PBX1: variants seen among roughly 807,000 people sequenced by gnomAD.
The protein encoded by PBX1 is PBX homeobox 1, also known as pre-B-cell leukemia transcription factor 1.
In PBX1, 6 loss-of-function variants were observed where a neutral mutation model predicts 53.4. The ratio of observed to expected loss-of-function variants is 0.11; its 90% CI spans 0.06 to 0.22. The LOEUF (loss-of-function observed/expected upper bound fraction) is 0.22. Among genes scored for constraint, PBX1 ranks in the 10% least tolerant of loss-of-function variants. The pLI is 1.00. For missense variants in PBX1, 251 were observed against 551.4 expected (o/e 0.46, Z 5.46); for synonymous variants, 204 against 212.3 (o/e 0.96, Z 0.34).
intron 8 of PBX1, among the ~76,000 whole-genome samples, chr1:164,844,679 A>G (rs1244284829): frequency 6.6e-6 from 1 of 152,188 alleles, no homozygotes; most frequent in African/African-American, 2.4e-5. Context: ...CGTGGCCGCC[A>G]TTCTTAGTCA....
At chr1:164,703,905 T>C (rs1663276348) in intron 2 of PBX1, among the ~76,000 whole-genome samples, 1 of 152,110 alleles carries the variant, frequency 6.6e-6, no homozygotes, top group African/African-American at 2.4e-5. Context: ...TACAAATCTC[T>C]TTTTATTGGC....
chr1:164,584,898 T>A (rs1329399284), intron 2 of PBX1, among the ~76,000 whole-genome samples: 1 of 152,144 alleles, frequency 6.6e-6, no homozygotes, highest in East Asian at 1.9e-4. Flanking sequence ...TTTTTCCCCC[T>A]CTTTTAAAAG....
At chr1:164,758,843 G>A (rs547825470) in intron 2 of PBX1, among the ~76,000 whole-genome samples, 10 of 152,242 alleles carry the variant, frequency 6.6e-5, no homozygotes, top group Admixed American at 1.3e-4. Flanking sequence ...ATCGTGTCTG[G>A]CACATAGTAG....
intron 2 of PBX1, among the ~76,000 whole-genome samples, chr1:164,630,063 C>T (rs568854830): frequency 1.2e-4 from 18 of 152,158 alleles, no homozygotes; most frequent in East Asian, 3.9e-4. Flanking sequence ...CCCAAGATAA[C>T]GTAAAATTTT....
chr1:164,847,752 C>CT lies in PBX1; in HGVS notation c.*1077dup, dbSNP rs1671644245. 2 of 1,052,782 alleles carry CT rather than the reference C, an allele frequency of 1.9e-6. No individual in the cohort carries two copies. The highest frequency in any genetic ancestry group is 2.3e-6 in the Non-Finnish European group (2 of 871,446). The allele number at this position is 1,052,782 out of a possible 1,614,324, so 65.2% of individuals were successfully genotyped here. ...AGCCCGAGAGAGGGAATTAGTGACT[C>CT]TAAGTGAAGGTCACTGACACAGAGA... On this transcript the variant is annotated 3_prime_UTR_variant, in exon 9 of 9. Coordinates refer to ENST00000420696, the MANE Select transcript of PBX1 (RefSeq NM_002585.4).
chr1:164,618,793 G>T (rs1657472579), intron 2 of PBX1, among the ~76,000 whole-genome samples: 2 of 152,208 alleles, frequency 1.3e-5, no homozygotes, highest in Non-Finnish European at 2.9e-5. Context: ...GCAATTCACA[G>T]CAATCAGTTT....
chr1:164,850,714 G>A lies in PBX1; in HGVS notation c.*4038G>A, dbSNP rs760654643. On this transcript the variant is annotated 3_prime_UTR_variant, in exon 9 of 9. Transcript: ENST00000420696. ...CGTTGCTCACCTGCATTTCCAGAGA[G>A]TGTGACACTCATGCAGTCCCTGAGA... 1.1e-4 allele frequency: 22 copies of A among 196,746 alleles called. No homozygotes were observed. The highest frequency in any genetic ancestry group is 5.3e-5 in the Non-Finnish European group (5 of 94,888). The allele number at this position is 196,746 out of a possible 1,614,324, so 12.2% of individuals were successfully genotyped here.
At chr1:164,809,627 C>T (rs538430591) in intron 5 of PBX1, among the ~76,000 whole-genome samples, 63 of 152,284 alleles carry the variant, frequency 4.1e-4, no homozygotes, top group Admixed American at 3.9e-4. Flanking sequence ...TTAAATCTTT[C>T]TCCTAATTCC....
chr1:164,831,390 T>G (rs1247426717), intron 8 of PBX1: 1 of 150,152 alleles, frequency 6.7e-6, no homozygotes, highest in African/African-American at 2.5e-5. Flanking sequence ...GTTTTTTTTT[T>G]GTTTATTTTG....
chr1:164,711,660 T>C (rs911074552), intron 2 of PBX1, among the ~76,000 whole-genome samples: 3 of 152,196 alleles, frequency 2.0e-5, no homozygotes, highest in Non-Finnish European at 2.9e-5. Context: ...TGAAAGAGCA[T>C]TGGGAGAGCG....
At chr1:164,880,651 A>G (rs1672623786) in intron 2 of PBX1, among the ~76,000 whole-genome samples, 1 of 152,146 alleles carries the variant, frequency 6.6e-6, no homozygotes, top group Non-Finnish European at 1.5e-5. Flanking sequence ...ACTCAAGACT[A>G]CTTGCCTTTG....
intron 2 of PBX1, among the ~76,000 whole-genome samples, chr1:164,784,203 C>A (rs1317996493): frequency 6.6e-6 from 1 of 152,176 alleles, no homozygotes; most frequent in Non-Finnish European, 1.5e-5. Flanking sequence ...CAGTCTAAGG[C>A]CAAAGCTTGT....
chr1:164,574,939 G>A (rs941452162), intron 2 of PBX1, among the ~76,000 whole-genome samples: 5 of 151,850 alleles, frequency 3.3e-5, no homozygotes, highest in South Asian at 2.1e-4. Context: ...CCGAGATTGC[G>A]CCTTTACACT....
chr1:164,846,492 G>C, intron 8 of PBX1, 92 bp from the exon 9 acceptor site: 4 of 1,044,002 alleles, frequency 3.8e-6, no homozygotes, highest in Non-Finnish European at 4.5e-6. Context: ...CACTATGCTA[G>C]GTCCTTTACA....
intron 2 of PBX1, among the ~76,000 whole-genome samples, chr1:164,761,454 T>A (rs1666807064): frequency 6.6e-6 from 1 of 152,312 alleles, no homozygotes; most frequent in South Asian, 2.1e-4. Flanking sequence ...ATTATTCTTT[T>A]TTTTTTTTGA....
intron 2 of PBX1, among the ~76,000 whole-genome samples, chr1:164,679,168 A>C (rs1374814935): frequency 6.6e-6 from 1 of 152,168 alleles, no homozygotes; most frequent in Non-Finnish European, 1.5e-5. Context: ...ACATCCAATA[A>C]TTTGTTTCCT....
At chr1:164,762,467 A>G (rs1666859253) in intron 2 of PBX1, among the ~76,000 whole-genome samples, 1 of 152,228 alleles carries the variant, frequency 6.6e-6, no homozygotes, top group Admixed American at 6.5e-5. Flanking sequence ...CAAGTCTTTC[A>G]GCAATTTGAC....
chr1:164,627,952 T>C (rs1471914483), intron 2 of PBX1, among the ~76,000 whole-genome samples: 1 of 152,160 alleles, frequency 6.6e-6, no homozygotes, highest in Non-Finnish European at 1.5e-5. Context: ...GAAATTATAG[T>C]GAATAGAGCA....
chr1:164,599,561 G>A (rs1571305180), intron 2 of PBX1, among the ~76,000 whole-genome samples: 1 of 152,150 alleles, frequency 6.6e-6, no homozygotes, highest in Non-Finnish European at 1.5e-5. Flanking sequence ...TATAAAAGCT[G>A]CCTGGAGTGG....
Sources: gnomAD v4.1 joint callset for allele counts (sites outside exome capture counted in the v4.1 genomes callset) on GRCh38, gnomAD v4.1.1 for gene constraint, MANE v1.5 for transcripts, NCBI Gene and HGNC (gene_info 2026-07-23, HGNC 2026-07-21) for gene names.